The following GAS2L3 variants were observed in gnomAD, a reference collection of about 807,000 sequenced individuals.
GAS2L3 encodes GAS2-like protein 3.
Under a neutral mutation model 37.0 loss-of-function variants are expected in GAS2L3, and 28 were observed. That is an observed-to-expected ratio of 0.76 (90% CI 0.56 to 1.04). GAS2L3 has a LOEUF of 1.04. Among genes scored for constraint, GAS2L3 ranks in the 50% least tolerant of loss-of-function variants. The pLI, the probability that GAS2L3 is intolerant of heterozygous loss-of-function variation, is 0.00. For missense variants in GAS2L3, 793 were observed against 817.6 expected, an observed-to-expected ratio of 0.97 and a Z score of 0.37; for synonymous variants, 290 against 296.6, an observed-to-expected ratio of 0.98 and a Z score of 0.23.
chr12:100,598,948 C>T (rs1166639306), intron 3 of GAS2L3, among the ~76,000 whole-genome samples: 6 of 152,192 alleles, frequency 3.9e-5, no homozygotes, highest in Admixed American at 3.9e-4. Flanking sequence ...CACTCACACC[C>T]TGGGTAGATG....
intron 6 of GAS2L3, among the ~76,000 whole-genome samples, chr12:100,614,190 G>A (rs984745625): frequency 1.3e-4 from 20 of 151,898 alleles, no homozygotes; most frequent in Non-Finnish European, 2.1e-4. Context: ...TAGGCTGGGC[G>A]CATTGGCTCA....
At chr12:100,621,589 G>C (rs1012728066) in intron 8 of GAS2L3, among the ~76,000 whole-genome samples, 1 of 151,922 alleles carries the variant, frequency 6.6e-6, no homozygotes, top group African/African-American at 2.4e-5. Flanking sequence ...CCAATCTTGA[G>C]AGAATAGATG....
chr12:100,627,909 C>T lies in GAS2L3; in HGVS notation c.*3019C>T, dbSNP rs145433172. The T allele has an allele frequency of 1.0e-3, 152 of 152,232 alleles. No homozygotes were observed. The highest frequency in any genetic ancestry group is 3.3e-3 in the African/African-American group (135 of 41,538). 9.4% of individuals were successfully genotyped at this position (152,232 alleles called of 1,614,324 possible). Reference sequence around the variant, plus strand: ...TAACATGATATGTAAAATTAAACTTCGGAGCACAATGAAATGCCGATTATT... The same window carrying T: ...TAACATGATATGTAAAATTAAACTTTGGAGCACAATGAAATGCCGATTATT... On this transcript the variant is annotated 3_prime_UTR_variant, in exon 10 of 10. Transcript: ENST00000547754.
intron 1 of GAS2L3, among the ~76,000 whole-genome samples, chr12:100,590,267 G>C (rs1297452619): frequency 2.6e-5 from 4 of 152,236 alleles, no homozygotes; most frequent in South Asian, 2.1e-4. Flanking sequence ...GACATGAATA[G>C]ACAGTTCTCA....
intron 8 of GAS2L3, 147 bp from the exon 9 acceptor site, chr12:100,622,128 G>C (rs1280130813): frequency 7.0e-6 from 3 of 430,600 alleles, no homozygotes; most frequent in Non-Finnish European, 1.3e-5. Context: ...CTCAATATTT[G>C]TTAATAAGCA....
chr12:100,620,936 C>T (rs1188258830), intron 8 of GAS2L3, among the ~76,000 whole-genome samples: 1 of 152,020 alleles, frequency 6.6e-6, no homozygotes, highest in Non-Finnish European at 1.5e-5. Context: ...CAGATGTGCA[C>T]GTGTGCATGT....
At chr12:100,605,518 TTTC>T (rs1956045579) in intron 5 of GAS2L3, among the ~76,000 whole-genome samples, 1 of 151,942 alleles carries the variant, frequency 6.6e-6, no homozygotes, top group Non-Finnish European at 1.5e-5. Context: ...CATTATTTCT[TTTC>T]TTGTACTAAT....
rs200843958 is a variant in GAS2L3, at chr12:100,618,485, G to A, written c.546G>A (p.Glu182=). ...AGCCACCAGTGTTAGTAAAACTTGA[G>A]AAAGAAATTGAGTTAGAAGAGACTT... ...GVEPPVLVKL[E]KEIELEETLL... The change falls in exon 8 of 10, where the codon GAG becomes GAA. Residue 182 remains glutamate, a synonymous_variant. Transcript: ENST00000547754. The A allele has an allele frequency of 3.7e-6, 6 of 1,611,828 alleles. No homozygotes were observed. In the South Asian group the frequency reaches 5.5e-5, roughly 15 times the overall value.
chr12:100,610,060 A>G (rs919500408), intron 5 of GAS2L3, among the ~76,000 whole-genome samples: 1 of 152,148 alleles, frequency 6.6e-6, no homozygotes, highest in Non-Finnish European at 1.5e-5. Context: ...CTAGTTGTTA[A>G]AATTTGATGT....
intron 1 of GAS2L3, among the ~76,000 whole-genome samples, chr12:100,586,709 C>A (rs542958814): frequency 1.1e-4 from 17 of 152,088 alleles, no homozygotes; most frequent in African/African-American, 4.1e-4. Flanking sequence ...CCAAACCCAG[C>A]AGAAGGAAAT....
intron 3 of GAS2L3, among the ~76,000 whole-genome samples, chr12:100,598,315 T>C (rs1202142892): frequency 6.6e-6 from 1 of 152,196 alleles, no homozygotes; most frequent in East Asian, 1.9e-4. Context: ...TTGCTTGTCT[T>C]TAATTACCTT....
intron 1 of GAS2L3, among the ~76,000 whole-genome samples, chr12:100,581,948 ATATTTT>A (rs576491424): frequency 1.2e-3 from 187 of 152,344 alleles, no homozygotes; most frequent in Non-Finnish European, 1.3e-3. Flanking sequence ...GCAAATTAAA[ATATTTT>A]TATTTTTTTG....
chr12:100,576,341 A>T lies in GAS2L3; in HGVS notation c.-152+2556A>T, dbSNP rs143167633. 1.4e-4 allele frequency among the ~76,000 whole-genome samples: 22 copies of T among 152,286 alleles called. No homozygotes were observed. The East Asian group carries it at 3.5e-3, about 24-fold the overall frequency. On this transcript the variant is annotated intron_variant, in intron 1 of 9. Transcript: ENST00000547754. ...TAGATTACTAAAGAGCTTGCTGTTGATGATGAGGAAAGTAAGAGATTAAAC... is the reference window on the plus strand; with the variant it reads ...TAGATTACTAAAGAGCTTGCTGTTGTTGATGAGGAAAGTAAGAGATTAAAC...
intron 5 of GAS2L3, among the ~76,000 whole-genome samples, chr12:100,603,353 C>T (rs1269509234): frequency 6.6e-6 from 1 of 152,052 alleles, no homozygotes; most frequent in Admixed American, 6.6e-5. Flanking sequence ...GATGAGATAT[C>T]TCATTGTAGT....
Position 100,625,249 on chromosome 12 carries a change from G to T in GAS2L3, c.*359G>T, listed in dbSNP as rs1956320831. The stretch of plus-strand genomic sequence containing the variant: ...CTATTTTTGAATATGTATTAAATAT[G>T]GAGTTCATATACCTGCTAATATCAA... On this transcript the variant is annotated 3_prime_UTR_variant, in exon 10 of 10. Transcript: ENST00000547754. The T allele has an allele frequency of 1.2e-5, 2 of 169,422 alleles. No homozygotes were observed. Among genetic ancestry groups the T allele is most frequent in the East Asian group, 3.1e-4 (2 of 6,392 alleles). The allele number at this position is 169,422 out of a possible 1,614,324, so 10.5% of individuals were successfully genotyped here. A position where few individuals can be genotyped will look rare whatever the true frequency, so the allele number is the denominator to read the frequency against.
chr12:100,607,251 C>G (rs1464736536), intron 5 of GAS2L3, among the ~76,000 whole-genome samples: 4 of 152,292 alleles, frequency 2.6e-5, no homozygotes, highest in African/African-American at 9.6e-5. Flanking sequence ...CCATGTCACT[C>G]TCTCCTGGCC....
At chr12:100,611,706 C>T (rs544722590) in intron 5 of GAS2L3, among the ~76,000 whole-genome samples, 3 of 152,176 alleles carry the variant, frequency 2.0e-5, no homozygotes, top group South Asian at 2.1e-4. Flanking sequence ...CTGATGCCAT[C>T]GCTGATCTGA....
chr12:100,619,598 CA>C (rs1246570753), intron 8 of GAS2L3, among the ~76,000 whole-genome samples: 1 of 151,474 alleles, frequency 6.6e-6, no homozygotes, highest in Non-Finnish European at 1.5e-5. Context: ...TTTATCTGGC[CA>C]AAATATCTAC....
At chr12:100,621,901 G>GAGAGAGAA (rs1565813954) in intron 8 of GAS2L3, among the ~76,000 whole-genome samples, 1 of 150,724 alleles carries the variant, frequency 6.6e-6, no homozygotes, top group Non-Finnish European at 1.5e-5. Flanking sequence ...GAGAGAGAGA[G>GAGAGAGAA]AGAGAGAAAG....
Sources: gnomAD v4.1 joint callset for allele counts (sites outside exome capture counted in the v4.1 genomes callset) on GRCh38, gnomAD v4.1.1 for gene constraint, MANE v1.5 for transcripts, NCBI Gene and HGNC (gene_info 2026-07-23, HGNC 2026-07-21) for gene names.